Variants in FHOD3 observed in about 807,000 individuals in gnomAD.
FHOD3 encodes formin homology 2 domain containing 3, also known as FH1/FH2 domain-containing protein 3.
In FHOD3, 90 loss-of-function variants were observed where a neutral mutation model predicts 173.0. The ratio of observed to expected loss-of-function variants is 0.52; its 90% CI spans 0.44 to 0.62. The LOEUF is 0.62. Ranked by LOEUF, FHOD3 falls within the 20% of genes least tolerant of loss-of-function variation. FHOD3 has a pLI of 0.00. For synonymous variants in FHOD3, 828 were observed against 823.0 expected (o/e 1.01, Z -0.10); for missense variants, 1,945 against 2,034.7 (o/e 0.96, Z 0.85).
At chr18:36,759,091 C>G in intron 25 of FHOD3, 27 bp from the exon 26 acceptor site, 1 of 1,533,474 alleles carries the variant, frequency 6.5e-7, no homozygotes, top group South Asian at 1.2e-5. Flanking sequence ...TCTTTTCCGT[C>G]CTGTCCTGTC....
At chr18:36,737,540 C>A (rs1337017713) in intron 20 of FHOD3, among the ~76,000 whole-genome samples, 1 of 152,154 alleles carries the variant, frequency 6.6e-6, no homozygotes. Context: ...TCTCCAGATG[C>A]TCAAACTCCA....
chr18:36,543,429 G>A (rs1033509164), intron 5 of FHOD3, among the ~76,000 whole-genome samples: 2 of 152,018 alleles, frequency 1.3e-5, no homozygotes, highest in South Asian at 2.1e-4. Context: ...TAATTGCATG[G>A]TGTTTTCCTT....
intron 27 of FHOD3, among the ~76,000 whole-genome samples, chr18:36,762,260 G>T (rs2042913974): frequency 6.6e-6 from 1 of 152,232 alleles, no homozygotes; most frequent in South Asian, 2.1e-4. Context: ...CACCACGCAT[G>T]TGGCTGATTG....
At chr18:36,352,139 C>T (rs986647076) in intron 1 of FHOD3, among the ~76,000 whole-genome samples, 15 of 151,828 alleles carry the variant, frequency 9.9e-5, no homozygotes, top group Admixed American at 7.2e-4. Context: ...TGGCTAGGCA[C>T]AATGGTTCAC....
At chr18:36,484,896 G>A (rs1185495083) in intron 3 of FHOD3, among the ~76,000 whole-genome samples, 3 of 152,198 alleles carry the variant, frequency 2.0e-5, no homozygotes, top group Non-Finnish European at 2.9e-5. Flanking sequence ...GTCCCGGCTG[G>A]CTTCCTGTTC....
chr18:36,585,394 C>G (rs1044535627), intron 6 of FHOD3, among the ~76,000 whole-genome samples: 1 of 152,158 alleles, frequency 6.6e-6, no homozygotes, highest in African/African-American at 2.4e-5. Context: ...CCAGAACACT[C>G]ATTCTCACTG....
chr18:36,594,418 A>G (rs2029946407), intron 6 of FHOD3, among the ~76,000 whole-genome samples: 1 of 152,116 alleles, frequency 6.6e-6, no homozygotes, highest in African/African-American at 2.4e-5. Flanking sequence ...GCTTATGTCT[A>G]CCTCACAGTG....
chr18:36,718,616 C>T lies in FHOD3; in HGVS notation c.3318C>T (p.Cys1106=). ...GGCCATGTAAAAACAACCGACGCTG[C>T]AGAGAATTCCTGTGGTCAAAACTGG... ...FDWPCKNNRR[C]REFLWSKLEP... is the part of the protein sequence containing the mutation. Residue 1106 remains cysteine, a synonymous_variant, in exon 19 of 29, where the codon TGC becomes TGT. Transcript: ENST00000590592. 1 of 1,614,150 alleles carries T rather than the reference C, an allele frequency of 6.2e-7. No homozygotes were observed. The highest frequency in any genetic ancestry group is 8.5e-7 in the Non-Finnish European group (1 of 1,180,032).
chr18:36,741,835 A>C (rs1242914686), intron 21 of FHOD3, among the ~76,000 whole-genome samples: 1 of 152,014 alleles, frequency 6.6e-6, no homozygotes, highest in East Asian at 1.9e-4. Flanking sequence ...GGAAGGAGCA[A>C]GGTCCTGTAC....
chr18:36,586,140 T>C (rs1421342582), intron 6 of FHOD3, among the ~76,000 whole-genome samples: 1 of 152,224 alleles, frequency 6.6e-6, no homozygotes, highest in African/African-American at 2.4e-5. Context: ...CTTTCACCTT[T>C]ATTGTTACTC....
chr18:36,718,855 G>C, intron 19 of FHOD3, 140 bp downstream of exon 19: 1 of 1,402,040 alleles, frequency 7.1e-7, no homozygotes, highest in Non-Finnish European at 9.4e-7. Flanking sequence ...CTTTAATATA[G>C]TGTTCCTTCT....
chr18:36,309,291 G>C (rs915805944), intron 1 of FHOD3, among the ~76,000 whole-genome samples: 1 of 151,916 alleles, frequency 6.6e-6, no homozygotes, highest in Non-Finnish European at 1.5e-5. Flanking sequence ...GCTTGTGTGA[G>C]GGGGAGGGTC....
At chr18:36,444,848 A>G (rs1179711095) in intron 3 of FHOD3, among the ~76,000 whole-genome samples, 1 of 152,230 alleles carries the variant, frequency 6.6e-6, no homozygotes, top group Non-Finnish European at 1.5e-5. Context: ...TCTCCTATGT[A>G]ATGACATGTA....
At chr18:36,336,889 A>G (rs910334868) in intron 1 of FHOD3, among the ~76,000 whole-genome samples, 3 of 138,412 alleles carry the variant, frequency 2.2e-5, no homozygotes, top group Non-Finnish European at 3.0e-5. Flanking sequence ...ATTAATTTCT[A>G]TGTCGAGCAC....
intron 1 of FHOD3, among the ~76,000 whole-genome samples, chr18:36,331,609 G>GCTGAAGGTACCAAAGGAAGGA (rs2045014812): frequency 6.6e-6 from 1 of 152,236 alleles, no homozygotes; most frequent in African/African-American, 2.4e-5. Flanking sequence ...GTCCCCTAGG[G>GCTGAAGGTACCAAAGGAAGGA]CTGAAGGTAC....
intron 10 of FHOD3, among the ~76,000 whole-genome samples, chr18:36,644,198 A>G (rs1298391425): frequency 6.6e-6 from 1 of 152,230 alleles, no homozygotes; most frequent in Non-Finnish European, 1.5e-5. Context: ...ATCAATCACA[A>G]GCAAAAGACC....
At chr18:36,494,373 C>G (rs2054626299) in intron 3 of FHOD3, among the ~76,000 whole-genome samples, 1 of 152,102 alleles carries the variant, frequency 6.6e-6, no homozygotes, top group South Asian at 2.1e-4. Flanking sequence ...AGAAACATGG[C>G]AAGAAAGGAT....
chr18:36,776,574 A>T (rs1438768374), intron 28 of FHOD3, among the ~76,000 whole-genome samples: 1 of 152,234 alleles, frequency 6.6e-6, no homozygotes, highest in Non-Finnish European at 1.5e-5. Context: ...CATATATCTA[A>T]GAGAATTTTT....
At chr18:36,325,008 T>C (rs946379713) in intron 1 of FHOD3, among the ~76,000 whole-genome samples, 2 of 152,226 alleles carry the variant, frequency 1.3e-5, no homozygotes, top group African/African-American at 4.8e-5. Context: ...AATGTATGGT[T>C]ATATCCCTGC....
Sources: gnomAD v4.1 joint callset for allele counts (sites outside exome capture counted in the v4.1 genomes callset) on GRCh38, gnomAD v4.1.1 for gene constraint, MANE v1.5 for transcripts, NCBI Gene and HGNC (gene_info 2026-07-23, HGNC 2026-07-21) for gene names.